CCSER2: variants seen among roughly 807,000 people sequenced by gnomAD.
The protein encoded by CCSER2 is coiled-coil serine rich protein 2, also known as serine-rich coiled-coil domain-containing protein 2.
CCSER2 carries 46 observed loss-of-function variants against 92.3 expected under a neutral mutation model. The observed-to-expected ratio is 0.50, with a 90% CI of 0.39 to 0.64. CCSER2 has a LOEUF of 0.64. Ranked by LOEUF, CCSER2 falls within the 30% of genes least tolerant of loss-of-function variation. CCSER2 has a pLI of 0.00. For missense variants in CCSER2, 1,244 were observed against 1,238.9 expected (o/e 1.00, Z -0.06); for synonymous variants, 433 against 431.4 (o/e 1.00, Z -0.04).
At chr10:84,360,887 T>G (rs1042791912) in intron 1 of CCSER2, among the ~76,000 whole-genome samples, 5 of 152,234 alleles carry the variant, frequency 3.3e-5, no homozygotes, top group Non-Finnish European at 7.3e-5. Context: ...ATAATTACTT[T>G]AATCAGTTCT....
intron 1 of CCSER2, among the ~76,000 whole-genome samples, chr10:84,365,675 T>C (rs184066137): frequency 9.8e-4 from 149 of 152,302 alleles, no homozygotes; most frequent in African/African-American, 3.3e-3. Flanking sequence ...ATCTTGTGCC[T>C]CTAAGTTATT....
chr10:84,352,568 TTA>T (rs1844922482), intron 1 of CCSER2, among the ~76,000 whole-genome samples: 1 of 151,754 alleles, frequency 6.6e-6, no homozygotes, highest in Admixed American at 6.6e-5. Flanking sequence ...GGTAGTATCT[TTA>T]TATTTCAAAG....
At chr10:84,433,108 C>T (rs1160213509) in intron 5 of CCSER2, among the ~76,000 whole-genome samples, 1 of 152,144 alleles carries the variant, frequency 6.6e-6, no homozygotes, top group Non-Finnish European at 1.5e-5. Context: ...ATTTTGATGA[C>T]TGTAGCTTTG....
chr10:84,491,636 G>T (rs1378550582), intron 9 of CCSER2, among the ~76,000 whole-genome samples: 1 of 152,096 alleles, frequency 6.6e-6, no homozygotes, highest in African/African-American at 2.4e-5. Context: ...GGATCCGTCT[G>T]TCACCCCTTC....
At chr10:84,361,510 A>G (rs1196439604) in intron 1 of CCSER2, among the ~76,000 whole-genome samples, 2 of 152,148 alleles carry the variant, frequency 1.3e-5, no homozygotes, top group Non-Finnish European at 2.9e-5. Flanking sequence ...GAATCACACT[A>G]TATTTATCCT....
intron 5 of CCSER2, among the ~76,000 whole-genome samples, chr10:84,436,766 A>G (rs990417718): frequency 6.6e-6 from 1 of 152,190 alleles, no homozygotes; most frequent in African/African-American, 2.4e-5. Context: ...ATTTCTAAAA[A>G]TCTTTTTCTT....
chr10:84,484,425 T>C (rs556642640), intron 9 of CCSER2, among the ~76,000 whole-genome samples: 1 of 152,188 alleles, frequency 6.6e-6, no homozygotes, highest in Non-Finnish European at 1.5e-5. Flanking sequence ...CCAAATGTCC[T>C]GATTTTAAAT....
At chr10:84,467,332 A>G (rs952655842) in intron 7 of CCSER2, among the ~76,000 whole-genome samples, 3 of 152,170 alleles carry the variant, frequency 2.0e-5, no homozygotes, top group African/African-American at 7.2e-5. Context: ...CAAATATGAC[A>G]TATATGGCTA....
At chr10:84,434,124 C>T (rs1843958438) in intron 5 of CCSER2, among the ~76,000 whole-genome samples, 1 of 152,064 alleles carries the variant, frequency 6.6e-6, no homozygotes, top group Non-Finnish European at 1.5e-5. Flanking sequence ...GGATTATGGC[C>T]AGTAATTCCC....
chr10:84,495,188 T>C (rs74851518), intron 9 of CCSER2, among the ~76,000 whole-genome samples: 1 of 151,754 alleles, frequency 6.6e-6, no homozygotes, highest in African/African-American at 2.4e-5. Context: ...TTTTTTTTTT[T>C]TCTCTTGAGA....
chr10:84,484,362 C>T (rs1847674103), intron 9 of CCSER2, among the ~76,000 whole-genome samples: 1 of 152,048 alleles, frequency 6.6e-6, no homozygotes, highest in Non-Finnish European at 1.5e-5. Context: ...ATCTGTCCGC[C>T]TCGGCCTCCC....
chr10:84,476,691 C>T (rs374989158), intron 8 of CCSER2, among the ~76,000 whole-genome samples: 4 of 152,072 alleles, frequency 2.6e-5, no homozygotes, highest in East Asian at 1.9e-4. Context: ...GATCCGCCCG[C>T]CTCGGCCTCC....
intron 6 of CCSER2, chr10:84,455,744 AC>A: frequency 9.9e-7 from 1 of 1,012,930 alleles, no homozygotes; most frequent in South Asian, 1.3e-5. Context: ...ATGCACCTGC[AC>A]ATTCTCAGAG....
At chr10:84,386,210 C>T (rs12245331) in intron 3 of CCSER2, among the ~76,000 whole-genome samples, 17,626 of 152,130 alleles carry the variant, frequency 0.12, 2,971 homozygotes, top group African/African-American at 0.37. Flanking sequence ...AATAGAATTA[C>T]CATTTGATCC....
chr10:84,460,086 G>GCTT (rs1846008452), intron 6 of CCSER2, among the ~76,000 whole-genome samples: 2 of 105,806 alleles, frequency 1.9e-5, no homozygotes, highest in Admixed American at 1.2e-4. Context: ...TTGATTCTTC[G>GCTT]ATTTTTTTTT....
chr10:84,430,315 A>T (rs1169819992), intron 5 of CCSER2, among the ~76,000 whole-genome samples: 1 of 152,098 alleles, frequency 6.6e-6, no homozygotes, highest in Non-Finnish European at 1.5e-5. Flanking sequence ...ATACATGTAT[A>T]TGTTCTTCTC....
chr10:84,425,036 A>G (rs1412537423), intron 4 of CCSER2: 12 of 978,878 alleles, frequency 1.2e-5, no homozygotes, highest in Non-Finnish European at 1.5e-5. Context: ...ATATGTGAGG[A>G]AAAAGTATTT....
Position 84,372,356 on chromosome 10 carries a change from C to T in CCSER2, c.1304C>T (p.Ser435Phe). The T allele has an allele frequency of 1.9e-6, 3 of 1,611,376 alleles. No individual in the cohort carries two copies. Among genetic ancestry groups the T allele is most frequent in the Non-Finnish European group, 2.5e-6 (3 of 1,178,208 alleles). Residue 435 changes from serine (S) to phenylalanine (F), a missense_variant, in exon 2 of 10, where the codon TCT becomes TTT. Coordinates refer to ENST00000372088, the MANE Select transcript of CCSER2 (RefSeq NM_001284240.2). ...NRTRITPEEM[S>F]LKEEKHENGP... Reference sequence around the variant, plus strand: ...ACTAGAATAACTCCAGAGGAAATGTCTCTCAAAGAAGAGAAACATGAAAAT... The same window carrying T: ...ACTAGAATAACTCCAGAGGAAATGTTTCTCAAAGAAGAGAAACATGAAAAT...
At chr10:84,508,168 A>AT (rs1206711737) in intron 9 of CCSER2, among the ~76,000 whole-genome samples, 1 of 152,180 alleles carries the variant, frequency 6.6e-6, no homozygotes, top group Non-Finnish European at 1.5e-5. Context: ...ACACGTTAAC[A>AT]TTTTTTAACC....
Sources: gnomAD v4.1 joint callset for allele counts (sites outside exome capture counted in the v4.1 genomes callset) on GRCh38, gnomAD v4.1.1 for gene constraint, MANE v1.5 for transcripts, NCBI Gene and HGNC (gene_info 2026-07-23, HGNC 2026-07-21) for gene names.